TOX2: variants seen among roughly 807,000 people sequenced by gnomAD.
TOX2 encodes the protein granulosa cell HMG box 1.
TOX2 carries 15 observed loss-of-function variants against 47.4 expected under a neutral mutation model. That is an observed-to-expected ratio of 0.32 (90% CI 0.21 to 0.49). TOX2 has a LOEUF of 0.49. Among genes scored for constraint, TOX2 ranks in the 20% least tolerant of loss-of-function variants. TOX2 has a pLI of 0.99. For missense variants in TOX2, 622 were observed against 673.1 expected (o/e 0.92, Z 0.84); for synonymous variants, 290 against 296.6 (o/e 0.98, Z 0.23).
At chr20:43,977,662 C>T (rs1029800684) in intron 2 of TOX2, among the ~76,000 whole-genome samples, 51 of 152,084 alleles carry the variant, frequency 3.4e-4, no homozygotes, top group Non-Finnish European at 6.6e-4. Flanking sequence ...TTAGCTTCTA[C>T]AAATGATCAC....
At chr20:43,925,259 G>A (rs1444511027) in intron 1 of TOX2, among the ~76,000 whole-genome samples, 2 of 152,014 alleles carry the variant, frequency 1.3e-5, no homozygotes. Context: ...ATGGGAGGGG[G>A]GCATCTAGAT....
At chr20:44,064,948 A>G in intron 6 of TOX2, 91 bp downstream of exon 6, 1 of 1,205,718 alleles carries the variant, frequency 8.3e-7, no homozygotes. Context: ...AAGGGCCGGC[A>G]CCCCAGGTCT....
At chr20:43,993,475 G>A (rs554832652) in intron 2 of TOX2, among the ~76,000 whole-genome samples, 1 of 151,922 alleles carries the variant, frequency 6.6e-6, no homozygotes, top group South Asian at 2.1e-4. Flanking sequence ...GATGAGAGAG[G>A]GAGGAATTGA....
chr20:43,942,620 A>G (rs1277288222), intron 1 of TOX2, among the ~76,000 whole-genome samples: 1 of 152,238 alleles, frequency 6.6e-6, no homozygotes, highest in East Asian at 1.9e-4. Context: ...CAGGAATTCA[A>G]GGCTGCAGTA....
intron 1 of TOX2, among the ~76,000 whole-genome samples, chr20:43,964,718 C>T (rs1440759950): frequency 6.6e-6 from 1 of 152,196 alleles, no homozygotes. Context: ...TGAGCCTTAC[C>T]TTGCTCATCT....
chr20:43,988,949 GTCTC>G (rs2070320450), intron 2 of TOX2, among the ~76,000 whole-genome samples: 1 of 152,186 alleles, frequency 6.6e-6, no homozygotes, highest in Non-Finnish European at 1.5e-5. Context: ...CCTTGAGTAA[GTCTC>G]TCTTCTCAGA....
At chr20:44,011,647 G>T (rs2070779612) in intron 3 of TOX2, among the ~76,000 whole-genome samples, 1 of 152,262 alleles carries the variant, frequency 6.6e-6, no homozygotes, top group Non-Finnish European at 1.5e-5. Flanking sequence ...CGGCTGGGCT[G>T]CAGGGCCACA....
chr20:44,014,426 A>G (rs577711518), intron 3 of TOX2, among the ~76,000 whole-genome samples: 1 of 152,220 alleles, frequency 6.6e-6, no homozygotes, highest in Non-Finnish European at 1.5e-5. Flanking sequence ...ATGTGTAGCT[A>G]ACTTTGTAAC....
intron 1 of TOX2, among the ~76,000 whole-genome samples, chr20:43,939,760 C>A (rs191908789): frequency 6.8e-4 from 103 of 152,302 alleles, no homozygotes; most frequent in African/African-American, 2.2e-3. Flanking sequence ...AAAAACAACT[C>A]ATTTCATTTT....
At chr20:43,974,600 G>A (rs1156874611) in intron 2 of TOX2, among the ~76,000 whole-genome samples, 1 of 152,262 alleles carries the variant, frequency 6.6e-6, no homozygotes, top group Non-Finnish European at 1.5e-5. Flanking sequence ...GGCTATGGCA[G>A]TCCAAGTTGG....
intron 3 of TOX2, among the ~76,000 whole-genome samples, chr20:44,017,460 G>A (rs115059779): frequency 0.012 from 1,778 of 152,278 alleles, 34 homozygotes; most frequent in African/African-American, 0.041. Flanking sequence ...GAGAGCTGAC[G>A]TGGGCAGCTC....
intron 3 of TOX2, among the ~76,000 whole-genome samples, chr20:44,019,425 C>A (rs1461102132): frequency 6.6e-6 from 1 of 152,248 alleles, no homozygotes; most frequent in Non-Finnish European, 1.5e-5. Context: ...CATCCCTCAC[C>A]CTATCCTTGG....
rs1042154537 is a variant in TOX2 at position 43,943,062 on chromosome 20, A to G, written c.99+28072A>G. Reference sequence around the variant, plus strand: ...AGCACTGCACCTGGAATCCGGTCTCACAGCCTTGGATTTGCCTTGCTAAGC... The same window carrying G: ...AGCACTGCACCTGGAATCCGGTCTCGCAGCCTTGGATTTGCCTTGCTAAGC... On this transcript the variant is annotated intron_variant, in intron 1 of 8. Coordinates refer to ENST00000341197, the MANE Select transcript of TOX2 (RefSeq NM_001098797.2). Among the ~76,000 whole-genome samples, 4 of 152,090 alleles carry G rather than the reference A, an allele frequency of 2.6e-5. No homozygotes were observed. In the South Asian group the frequency reaches 8.3e-4, roughly 32 times the overall value.
chr20:43,926,412 A>T (rs909528687), intron 1 of TOX2, among the ~76,000 whole-genome samples: 1 of 152,122 alleles, frequency 6.6e-6, no homozygotes, highest in South Asian at 2.1e-4. Context: ...AAGCTGTATG[A>T]CTTTGGACCT....
chr20:44,028,531 A>G lies in TOX2; in HGVS notation c.411+21739A>G, dbSNP rs2071100040. Among the ~76,000 whole-genome samples the G allele has an allele frequency of 2.0e-5, 3 of 152,170 alleles. No homozygotes were observed. The East Asian group carries it at 5.8e-4, about 29-fold the overall frequency. ...ACTCACGCACTCATTCAGCCCTCAC[A>G]CTTTTATTAAGCCCCTACTATGTAC... On this transcript the variant is annotated intron_variant, in intron 3 of 8. Transcript: ENST00000341197.
Position 43,916,137 on chromosome 20 carries a change from G to A in TOX2, c.99+1147G>A. ...CAAGCGCGGGTTTTCGTCACTCGGA[G>A]CCCGGATTGAACAGCGCGCGTGGGT... On this transcript the variant is annotated intron_variant, in intron 1 of 8. Transcript: ENST00000341197. The surrounding 1 kb of genome is among the most constrained non-coding windows in gnomAD (Gnocchi z 5.0). The A allele has an allele frequency of 1.0e-6, 1 of 985,542 alleles. No homozygotes were observed. Among genetic ancestry groups the A allele is most frequent in the Non-Finnish European group, 1.2e-6 (1 of 829,984 alleles). 61.0% of individuals were successfully genotyped at this position (985,542 alleles called of 1,614,324 possible).
At chr20:43,917,416 A>C (rs544657772) in intron 1 of TOX2, among the ~76,000 whole-genome samples, 1 of 152,324 alleles carries the variant, frequency 6.6e-6, no homozygotes, top group Non-Finnish European at 1.5e-5. Flanking sequence ...AGTAGTGACC[A>C]CACTTGGGGC....
At chr20:43,990,009 C>A (rs753946782) in intron 2 of TOX2, among the ~76,000 whole-genome samples, 2 of 152,082 alleles carry the variant, frequency 1.3e-5, no homozygotes, top group Non-Finnish European at 2.9e-5. Context: ...TGAACTGAAC[C>A]ATTGAGTTGG....
chr20:44,060,444 AATATAC>A, intron 5 of TOX2, among the ~76,000 whole-genome samples: 1 of 152,334 alleles, frequency 6.6e-6, no homozygotes, highest in Non-Finnish European at 1.5e-5. Flanking sequence ...ACAACTGCAG[AATATAC>A]ATTCTGTTCA....
Sources: gnomAD v4.1 joint callset for allele counts (sites outside exome capture counted in the v4.1 genomes callset) on GRCh38, gnomAD v4.1.1 for gene constraint, Gnocchi (gnomAD v3.1) non-coding constraint, MANE v1.5 for transcripts, NCBI Gene and HGNC (gene_info 2026-07-23, HGNC 2026-07-21) for gene names.